Variants in MYO1E observed in about 807,000 individuals in gnomAD.
MYO1E encodes the protein unconventional myosin-Ie.
In MYO1E, 68 loss-of-function variants were observed where a neutral mutation model predicts 151.1. That is an observed-to-expected ratio of 0.45 (90% CI 0.37 to 0.55). The LOEUF is 0.55. Among genes scored for constraint, MYO1E ranks in the 20% least tolerant of loss-of-function variants. The pLI, the probability that MYO1E is intolerant of heterozygous loss-of-function variation, is 0.00. For missense variants in MYO1E, 1,363 were observed against 1,389.3 expected (o/e 0.98, Z 0.30); for synonymous variants, 601 against 501.7 (o/e 1.20, Z -2.64).
rs1249778951 is a variant in MYO1E, at chr15:59,350,577, A to G, written c.3+21921T>C. On this transcript the variant is annotated intron_variant, in intron 1 of 27. Transcript: ENST00000288235. The surrounding 1 kb of genome is among the most constrained non-coding windows in gnomAD (Gnocchi z 5.0). ...ATCCACAGCTAACCATAATTCCCCA[A>G]TATGAACTGCCAGATAACCAGGGAA... 6.6e-6 allele frequency among the ~76,000 whole-genome samples: 1 copy of G among 152,216 alleles called. No individual in the cohort carries two copies. Among genetic ancestry groups the G allele is most frequent in the Non-Finnish European group, 1.5e-5 (1 of 68,038 alleles).
chr15:59,193,970 T>G (rs2079750239), intron 17 of MYO1E, among the ~76,000 whole-genome samples: 1 of 151,536 alleles, frequency 6.6e-6, no homozygotes, highest in South Asian at 2.1e-4. Flanking sequence ...AAGTCAGGAG[T>G]TCAAAACCAG....
intron 14 of MYO1E, among the ~76,000 whole-genome samples, chr15:59,205,805 G>C (rs2079829745): frequency 2.0e-5 from 3 of 152,136 alleles, no homozygotes; most frequent in Non-Finnish European, 2.9e-5. Context: ...CCCTTCTTCA[G>C]TGGATCCATA....
intron 1 of MYO1E, among the ~76,000 whole-genome samples, chr15:59,281,266 TTTTTC>T (rs758500918): frequency 6.6e-6 from 1 of 151,696 alleles, no homozygotes; most frequent in Non-Finnish European, 1.5e-5. Flanking sequence ...TTTTCTTTTC[TTTTTC>T]TTTTCTTTCT....
chr15:59,200,930 C>T (rs1038474425), intron 16 of MYO1E, among the ~76,000 whole-genome samples: 14 of 152,190 alleles, frequency 9.2e-5, no homozygotes, highest in African/African-American at 2.9e-4. Flanking sequence ...GATTCGAACA[C>T]AGGCGAGCAA....
intron 7 of MYO1E, among the ~76,000 whole-genome samples, chr15:59,225,032 G>A (rs2079980922): frequency 6.6e-6 from 1 of 152,230 alleles, no homozygotes; most frequent in South Asian, 2.1e-4. Context: ...TGCAAGAGCT[G>A]AGGATTTTCC....
At chr15:59,205,680 C>T (rs940114707) in intron 14 of MYO1E, among the ~76,000 whole-genome samples, 195 bp from the exon 15 acceptor site, 1 of 152,170 alleles carries the variant, frequency 6.6e-6, no homozygotes, top group Non-Finnish European at 1.5e-5. Context: ...AGGCTGTGCA[C>T]GTCTTACTTG....
chr15:59,345,848 TC>T (rs2080791280), intron 1 of MYO1E, among the ~76,000 whole-genome samples: 1 of 152,212 alleles, frequency 6.6e-6, no homozygotes, highest in Non-Finnish European at 1.5e-5. Context: ...ACTGTTACTT[TC>T]CTCTGCTTTC....
At chr15:59,277,408 G>A (rs2080325483) in intron 1 of MYO1E, among the ~76,000 whole-genome samples, 1 of 151,994 alleles carries the variant, frequency 6.6e-6, no homozygotes, top group African/African-American at 2.4e-5. Context: ...AGCTGGGCAT[G>A]GTGGCATGAG....
chr15:59,226,596 C>G (rs184709408), intron 7 of MYO1E, among the ~76,000 whole-genome samples: 2 of 152,110 alleles, frequency 1.3e-5, no homozygotes, highest in South Asian at 2.1e-4. Flanking sequence ...CACTTGAGTC[C>G]GAGAGTTAGA....
chr15:59,227,993 T>C (rs1231560998), intron 6 of MYO1E, among the ~76,000 whole-genome samples: 3 of 152,208 alleles, frequency 2.0e-5, no homozygotes, highest in Non-Finnish European at 4.4e-5. Flanking sequence ...CAATCTCTCT[T>C]ACCTACGGAG....
intron 1 of MYO1E, among the ~76,000 whole-genome samples, chr15:59,347,540 G>C (rs1489226117): frequency 6.6e-6 from 1 of 152,086 alleles, no homozygotes; most frequent in South Asian, 2.1e-4. Flanking sequence ...CACTTAAAAA[G>C]GAATTTAATT....
At chr15:59,251,919 A>G (rs1419005101) in intron 4 of MYO1E, among the ~76,000 whole-genome samples, 4 of 152,238 alleles carry the variant, frequency 2.6e-5, no homozygotes, top group African/African-American at 9.6e-5. Context: ...AAAAACCAGA[A>G]AAGAAATTTT....
chr15:59,243,183 T>C (rs2080110404), intron 4 of MYO1E, among the ~76,000 whole-genome samples: 1 of 142,306 alleles, frequency 7.0e-6, no homozygotes, highest in Non-Finnish European at 1.5e-5. Flanking sequence ...GGATTAAAAA[T>C]ATAGTGATAG....
intron 10 of MYO1E, among the ~76,000 whole-genome samples, chr15:59,216,413 T>C (rs578187532): frequency 7.1e-4 from 108 of 151,978 alleles, no homozygotes; most frequent in Non-Finnish European, 1.2e-3. Context: ...ATCTGGGCAC[T>C]AACATAGTTA....
At chr15:59,358,900 C>T (rs2080869895) in intron 1 of MYO1E, among the ~76,000 whole-genome samples, 1 of 152,172 alleles carries the variant, frequency 6.6e-6, no homozygotes. Flanking sequence ...GACAACTCTG[C>T]TATTAACTTG....
At chr15:59,302,374 G>A (rs1233585491) in intron 1 of MYO1E, among the ~76,000 whole-genome samples, 1 of 152,198 alleles carries the variant, frequency 6.6e-6, no homozygotes, top group Non-Finnish European at 1.5e-5. Flanking sequence ...TGCTGACAAG[G>A]TGAGACGCGG....
intron 22 of MYO1E, 41 bp downstream of exon 22, chr15:59,171,856 G>A (rs767586677): frequency 1.9e-5 from 30 of 1,613,530 alleles, no homozygotes; most frequent in Non-Finnish European, 2.4e-5. Context: ...TGATGCTGAG[G>A]CGAGAAGGGG....
At chr15:59,337,044 C>T (rs1269060174) in intron 1 of MYO1E, among the ~76,000 whole-genome samples, 1 of 151,904 alleles carries the variant, frequency 6.6e-6, no homozygotes, top group Non-Finnish European at 1.5e-5. Flanking sequence ...AAAATCTATG[C>T]TTATATAATA....
intron 6 of MYO1E, among the ~76,000 whole-genome samples, chr15:59,228,690 C>T (rs2080006904): frequency 6.6e-6 from 1 of 151,918 alleles, no homozygotes. Context: ...AGATGCCCAG[C>T]CTCATCGCAT....
Sources: gnomAD v4.1 joint callset for allele counts (sites outside exome capture counted in the v4.1 genomes callset) on GRCh38, gnomAD v4.1.1 for gene constraint, Gnocchi (gnomAD v3.1) non-coding constraint, MANE v1.5 for transcripts, NCBI Gene and HGNC (gene_info 2026-07-23, HGNC 2026-07-21) for gene names.